LRFN5: variants seen among roughly 807,000 people sequenced by gnomAD.
The protein encoded by LRFN5 is leucine rich repeat and fibronectin type III domain containing 5.
Under a neutral mutation model 45.6 loss-of-function variants are expected in LRFN5, and 24 were observed. The ratio of observed to expected loss-of-function variants is 0.53; its 90% CI spans 0.38 to 0.74. LRFN5 has a LOEUF of 0.74. LRFN5 is among the 30% of genes least tolerant of loss of function. The pLI is 0.00. For missense variants in LRFN5, 776 were observed against 861.5 expected (o/e 0.90, Z 1.24); for synonymous variants, 340 against 313.8 (o/e 1.08, Z -0.88).
chr14:41,885,325 T>TA (rs59238163), intron 2 of LRFN5, among the ~76,000 whole-genome samples: 1,896 of 134,250 alleles, frequency 0.014, 35 homozygotes, highest in African/African-American at 0.048. Context: ...AAACTTTGTC[T>TA]AAAAAAAAAA....
At chr14:41,805,969 A>T (rs993351179) in intron 2 of LRFN5, among the ~76,000 whole-genome samples, 1 of 152,184 alleles carries the variant, frequency 6.6e-6, no homozygotes, top group Non-Finnish European at 1.5e-5. Flanking sequence ...GGTCTTGCAG[A>T]CAGACCTACA....
intron 1 of LRFN5, chr14:41,699,569 T>G (rs903456189): frequency 6.6e-6 from 1 of 152,080 alleles, no homozygotes; most frequent in Admixed American, 6.6e-5. Context: ...CTTACGAGCT[T>G]AGGAACTTAG....
intron 2 of LRFN5, among the ~76,000 whole-genome samples, chr14:41,857,912 A>G (rs749522833): frequency 2.0e-5 from 3 of 152,214 alleles, no homozygotes; most frequent in Non-Finnish European, 4.4e-5. Flanking sequence ...TGTGAAATAC[A>G]AGAGCTGAAA....
intron 2 of LRFN5, among the ~76,000 whole-genome samples, chr14:41,779,426 A>G (rs1467577613): frequency 1.3e-5 from 2 of 151,872 alleles, no homozygotes; most frequent in Non-Finnish European, 2.9e-5. Context: ...CAGTTGGTCT[A>G]TAGATTTCCA....
intron 2 of LRFN5, among the ~76,000 whole-genome samples, chr14:41,783,470 T>G (rs12323560): frequency 0.34 from 51,997 of 152,014 alleles, 9,753 homozygotes; most frequent in East Asian, 0.69. Flanking sequence ...CGGCTCTTTA[T>G]TGTTCTAAGG....
chr14:41,772,894 C>A (rs761024962), intron 2 of LRFN5, among the ~76,000 whole-genome samples: 2 of 152,088 alleles, frequency 1.3e-5, no homozygotes. Flanking sequence ...TCTACTTTTC[C>A]CTATTTTTAC....
At chr14:41,836,710 G>A (rs1270488359) in intron 2 of LRFN5, among the ~76,000 whole-genome samples, 1 of 152,094 alleles carries the variant, frequency 6.6e-6, no homozygotes, top group African/African-American at 2.4e-5. Context: ...CTTATTCTGC[G>A]AGGCAGTTCC....
At chr14:41,727,705 A>C (rs1374799588) in intron 1 of LRFN5, among the ~76,000 whole-genome samples, 2 of 152,270 alleles carry the variant, frequency 1.3e-5, no homozygotes, top group Non-Finnish European at 2.9e-5. Flanking sequence ...AAATAATAAG[A>C]GTAATAATAA....
At chr14:41,737,711 A>G (rs1884502588) in intron 1 of LRFN5, among the ~76,000 whole-genome samples, 1 of 152,166 alleles carries the variant, frequency 6.6e-6, no homozygotes. Flanking sequence ...CCAATAATAG[A>G]CAAACAGCCA....
rs1555356098 is a variant in LRFN5 at position 41,704,451 on chromosome 14, T to TGTGTGTGG, written c.-196-62396_-196-62395insGGTGTGTG. ...CTCTCTCTCTCTCTCTCTCTCTCTG[T>TGTGTGTGG]GTGTGTGTGTCTGTGAGATTTGAAG... On this transcript the variant is annotated intron_variant, in intron 1 of 5. Coordinates refer to ENST00000298119, the MANE Select transcript of LRFN5 (RefSeq NM_152447.5). Among the ~76,000 whole-genome samples the TGTGTGTGG allele has an allele frequency of 1.0e-3, 153 of 149,738 alleles. 2 individuals are homozygous for TGTGTGTGG. Among genetic ancestry groups the TGTGTGTGG allele is most frequent in the Non-Finnish European group, 2.5e-4 (17 of 67,654 alleles).
intron 2 of LRFN5, among the ~76,000 whole-genome samples, chr14:41,872,184 C>G (rs543217782): frequency 9.2e-5 from 14 of 152,284 alleles, no homozygotes; most frequent in African/African-American, 3.4e-4. Context: ...CAGCTTACAG[C>G]TATACCTGTC....
In LRFN5 at chr14:41,886,720, A is replaced by T; in HGVS notation, c.95A>T (p.Asn32Ile). The T allele has an allele frequency of 6.2e-7, 1 of 1,614,148 alleles. No homozygotes were observed. Among genetic ancestry groups the T allele is most frequent in the Non-Finnish European group, 8.5e-7 (1 of 1,180,014 alleles). The part of the protein sequence containing the change: ...KRCVCQILSP[N>I]LATLCAKKGL... Reference sequence around the variant, plus strand: ...TGTGTCTGTCAGATTTTGTCTCCTAATCTTGCAACCCTTTGTGCCAAGAAA... The same window carrying T: ...TGTGTCTGTCAGATTTTGTCTCCTATTCTTGCAACCCTTTGTGCCAAGAAA... Residue 32 changes from asparagine (N) to isoleucine (I), a missense_variant, in exon 3 of 6, where the codon AAT becomes ATT. Coordinates refer to ENST00000298119, the MANE Select transcript of LRFN5 (RefSeq NM_152447.5).
chr14:41,805,570 G>A (rs149937996), intron 2 of LRFN5, among the ~76,000 whole-genome samples: 19,039 of 136,928 alleles, frequency 0.14, 1,453 homozygotes, highest in Non-Finnish European at 0.16. Flanking sequence ...CCACCCCACA[G>A]CAGTACCCAG....
At chr14:41,773,521 T>C (rs1047214016) in intron 2 of LRFN5, among the ~76,000 whole-genome samples, 14 of 152,210 alleles carry the variant, frequency 9.2e-5, no homozygotes, top group Admixed American at 6.5e-4. Flanking sequence ...ATATTGTATA[T>C]AATCACAGGC....
Position 41,887,672 on chromosome 14 carries a change from A to G in LRFN5, c.1047A>G (p.Val349=), listed in dbSNP as rs895649742. 6.2e-7 allele frequency: 1 copy of G among 1,614,224 alleles called. No individual in the cohort carries two copies. Among genetic ancestry groups the G allele is most frequent in the East Asian group, 2.2e-5 (1 of 44,868 alleles). ...NGTLDILITT[V]KDTGAFTCIA... ...CACTTGACATTCTTATCACAACTGT[A>G]AAGGATACAGGTGCTTTTACCTGCA... The change falls in exon 3 of 6, where the codon GTA becomes GTG. Residue 349 remains valine (V), a synonymous_variant. Coordinates refer to ENST00000298119, the MANE Select transcript of LRFN5 (RefSeq NM_152447.5). The surrounding 1 kb of genome is among the most constrained non-coding windows in gnomAD (Gnocchi z 4.8).
At position 41,876,222 on chromosome 14, in the gene LRFN5, A is replaced by G. The variant is rs576859542; in HGVS notation, c.-20-10384A>G. 8.1e-5 allele frequency among the ~76,000 whole-genome samples: 12 copies of G among 148,130 alleles called. No individual in the cohort carries two copies. The South Asian group carries it at 2.3e-3, about 29-fold the overall frequency. ...TATTTGTTCATGTTTCCTATATTTT[A>G]TGTAAAATGTAGATACACTGAGCAC... is the stretch of plus-strand genomic sequence containing the variant. On this transcript the variant is annotated intron_variant, in intron 2 of 5. Coordinates refer to ENST00000298119, the MANE Select transcript of LRFN5 (RefSeq NM_152447.5).
At chr14:41,711,209 C>T (rs2138746943) in intron 1 of LRFN5, among the ~76,000 whole-genome samples, 1 of 152,236 alleles carries the variant, frequency 6.6e-6, no homozygotes, top group African/African-American at 2.4e-5. Flanking sequence ...CACATACGCA[C>T]ACGCATGCAC....
At chr14:41,689,339 A>G (rs1258880686) in intron 1 of LRFN5, among the ~76,000 whole-genome samples, 1 of 152,162 alleles carries the variant, frequency 6.6e-6, no homozygotes, top group Admixed American at 6.5e-5. Context: ...AAGATTAACA[A>G]CATTGACTAA....
chr14:41,785,885 C>T (rs1886702870), intron 2 of LRFN5, among the ~76,000 whole-genome samples: 2 of 152,096 alleles, frequency 1.3e-5, no homozygotes, highest in Non-Finnish European at 1.5e-5. Context: ...AATGACAGGA[C>T]GTGGAGTTCA....
Sources: allele counts gnomAD v4.1 joint callset (sites outside exome capture counted in the v4.1 genomes callset), GRCh38; gene constraint gnomAD v4.1.1; non-coding constraint Gnocchi (gnomAD v3.1); transcripts MANE v1.5; gene names NCBI Gene and HGNC (gene_info 2026-07-23, HGNC 2026-07-21).